ILDR2: variants seen among roughly 807,000 people sequenced by gnomAD.
ILDR2 encodes immunoglobulin-like domain-containing receptor 2.
In ILDR2, 25 loss-of-function variants were observed where a neutral mutation model predicts 66.8. The observed-to-expected ratio is 0.37, with a 90% CI of 0.27 to 0.52. The LOEUF is 0.52. Among genes scored for constraint, ILDR2 ranks in the 20% least tolerant of loss-of-function variants. The pLI is 0.88. For synonymous variants in ILDR2, 367 were observed against 357.2 expected, an observed-to-expected ratio of 1.03 and a Z score of -0.31; for missense variants, 827 against 876.8, an observed-to-expected ratio of 0.94 and a Z score of 0.72.
At chr1:166,975,139 A>T (rs1663520089) in intron 1 of ILDR2, 84 bp downstream of exon 1, 1 of 1,220,546 alleles carries the variant, frequency 8.2e-7, no homozygotes, top group African/African-American at 1.5e-5. Context: ...TAAGGAGGAA[A>T]ATGGGGGGGC....
In ILDR2 at chr1:166,917,801, C is replaced by T. The variant is rs540495457; in HGVS notation, c.*1554G>A. 6.6e-6 allele frequency: 1 copy of T among 152,334 alleles called. No individual in the cohort carries two copies. The highest frequency in any genetic ancestry group is 2.1e-4 in the South Asian group (1 of 4,824). 9.4% of individuals were successfully genotyped at this position (152,334 alleles called of 1,614,324 possible). ...TATCACCTGGACTCACCCATGTCTG[C>T]ATCAGCTGGAAGTTGACGGGCTGTC... On this transcript the variant is annotated 3_prime_UTR_variant, in exon 10 of 10. Transcript: ENST00000271417.
At chr1:166,903,483 T>C (rs1659294626), downstream of ILDR2, among the ~76,000 whole-genome samples, 2 of 152,234 alleles carry the variant, frequency 1.3e-5, no homozygotes, top group South Asian at 4.1e-4. Flanking sequence ...GTATCTCTTC[T>C]GTTCACATTG....
chr1:166,965,421 A>T (rs142638948), intron 1 of ILDR2, among the ~76,000 whole-genome samples: 1 of 152,244 alleles, frequency 6.6e-6, no homozygotes, highest in African/African-American at 2.4e-5. Context: ...ATCAGAAAGC[A>T]AATATATCAG....
chr1:166,942,451 T>C (rs36119409), intron 3 of ILDR2, among the ~76,000 whole-genome samples: 21,179 of 152,204 alleles, frequency 0.14, 1,733 homozygotes, highest in Non-Finnish European at 0.18. Context: ...TTTCAGATCA[T>C]CCTATTTTTC....
At chr1:166,943,491 C>CAAA (rs11366097) in intron 3 of ILDR2, among the ~76,000 whole-genome samples, 40 of 74,482 alleles carry the variant, frequency 5.4e-4, no homozygotes, top group African/African-American at 1.2e-3. Context: ...GACTCCGTCT[C>CAAA]AAAAAAAAAA....
rs1264764341 is a variant in ILDR2, at chr1:166,923,417, A to AC, written c.995-609dup. Reference sequence around the variant, plus strand: ...GGAAACCTGTACCTAGTATCCATATACCCCCTGACTTAGCCCATGCTCATT... The same window carrying AC: ...GGAAACCTGTACCTAGTATCCATATACCCCCCTGACTTAGCCCATGCTCATT... On this transcript the variant is annotated intron_variant, in intron 7 of 9. Coordinates refer to ENST00000271417, the MANE Select transcript of ILDR2 (RefSeq NM_199351.3). Among the ~76,000 whole-genome samples, 3 of 152,160 alleles carry AC rather than the reference A, an allele frequency of 2.0e-5. No individual in the cohort carries two copies. The East Asian group carries it at 5.8e-4, about 29-fold the overall frequency.
intron 3 of ILDR2, among the ~76,000 whole-genome samples, chr1:166,946,928 C>T (rs1052135888): frequency 5.9e-5 from 9 of 152,182 alleles, no homozygotes; most frequent in Admixed American, 2.0e-4. Context: ...ATTTTCAGCA[C>T]CTTTTAAAGT....
At chr1:166,970,746 A>C (rs1472371944) in intron 1 of ILDR2, among the ~76,000 whole-genome samples, 1 of 152,190 alleles carries the variant, frequency 6.6e-6, no homozygotes, top group Non-Finnish European at 1.5e-5. Flanking sequence ...CTAAAGTGTA[A>C]ACAGTGATGA....
chr1:166,897,176 T>G lies in ILDR2; in HGVS notation n.172-1075A>C, dbSNP rs1011053997. 2.6e-5 allele frequency among the ~76,000 whole-genome samples: 4 copies of G among 152,180 alleles called. No homozygotes were observed. The East Asian group carries it at 7.7e-4, about 29-fold the overall frequency. ...GTGACCAGTTAAGAGGCTATTGCTA[T>G]AGTCCACATTAGAGCTAATATAGAC... On this transcript the variant is annotated intron_variant and non_coding_transcript_variant, in intron 2 of 2. Coordinates refer to the ILDR2 transcript ENST00000414590.
rs1173388349 is a variant in ILDR2, at chr1:166,918,137, G to T, written c.*1218C>A. The T allele has an allele frequency of 6.6e-6, 1 of 152,154 alleles. No homozygotes were observed. The highest frequency in any genetic ancestry group is 1.5e-5 in the Non-Finnish European group (1 of 68,022). The allele number at this position is 152,154 out of a possible 1,614,324, so 9.4% of individuals were successfully genotyped here. On this transcript the variant is annotated 3_prime_UTR_variant, in exon 10 of 10. Coordinates refer to ENST00000271417, the MANE Select transcript of ILDR2 (RefSeq NM_199351.3). ...TCCAGAGATCTAGCTTTGGGATTTA[G>T]GCAAAATCTATCATTTAGGCAAGGG...
chr1:166,969,941 C>A (rs1663183055), intron 1 of ILDR2, among the ~76,000 whole-genome samples: 1 of 152,194 alleles, frequency 6.6e-6, no homozygotes. Context: ...ACCAGCCTTA[C>A]TTACTTGGCA....
chr1:166,955,899 A>G (rs887280851), intron 3 of ILDR2, among the ~76,000 whole-genome samples: 1 of 152,200 alleles, frequency 6.6e-6, no homozygotes, highest in African/African-American at 2.4e-5. Context: ...TCTTTTGAAA[A>G]TGGCTTTAGG....
intron 2 of ILDR2, among the ~76,000 whole-genome samples, chr1:166,901,197 G>A (rs1659259353): frequency 6.6e-6 from 1 of 152,172 alleles, no homozygotes; most frequent in Admixed American, 6.5e-5. Context: ...TGCCTCAAAT[G>A]CTCCACATTC....
intron 6 of ILDR2, among the ~76,000 whole-genome samples, chr1:166,933,222 A>T (rs1660742083): frequency 6.6e-6 from 1 of 152,292 alleles, no homozygotes; most frequent in South Asian, 2.1e-4. Context: ...TGAATGGGCA[A>T]GAGCCCAATT....
chr1:166,909,497 A>T lies in ILDR2; in HGVS notation c.*9858T>A, dbSNP rs1298081478. 4 of 151,508 alleles carry T rather than the reference A, an allele frequency of 2.6e-5. No individual in the cohort carries two copies. The highest frequency in any genetic ancestry group is 7.3e-5 in the African/African-American group (3 of 41,202). 9.4% of individuals were successfully genotyped at this position (151,508 alleles called of 1,614,324 possible). On this transcript the variant is annotated 3_prime_UTR_variant, in exon 10 of 10. Transcript: ENST00000271417. Reference sequence around the variant, plus strand: ...TCTGAGCTATCTTCCTGTCATTTGCAACCAAAAATTTTTTTACTAATACAG... The same window carrying T: ...TCTGAGCTATCTTCCTGTCATTTGCTACCAAAAATTTTTTTACTAATACAG...
intron 1 of ILDR2, among the ~76,000 whole-genome samples, chr1:166,964,996 A>T (rs191337593): frequency 6.6e-6 from 1 of 152,216 alleles, no homozygotes; most frequent in Non-Finnish European, 1.5e-5. Context: ...AGAAACAAAG[A>T]TTGCTGCTAA....
chr1:166,957,701 A>T (rs1223258120), intron 2 of ILDR2, 68 bp downstream of exon 2: 34 of 1,345,940 alleles, frequency 2.5e-5, no homozygotes, highest in Non-Finnish European at 3.2e-5. Context: ...CCATATTGAC[A>T]TAAGGGAAGG....
chr1:166,973,967 G>GA (rs1557963698), intron 1 of ILDR2, among the ~76,000 whole-genome samples: 2 of 152,150 alleles, frequency 1.3e-5, no homozygotes, highest in African/African-American at 4.8e-5. Context: ...AGGCAATGAA[G>GA]AATCTTATTC....
chr1:166,969,688 C>T (rs1663166157), intron 1 of ILDR2, among the ~76,000 whole-genome samples: 1 of 152,232 alleles, frequency 6.6e-6, no homozygotes, highest in South Asian at 2.1e-4. Flanking sequence ...GTTCTATGAA[C>T]TCTGTGCCTC....
Sources: allele counts gnomAD v4.1 joint callset (sites outside exome capture counted in the v4.1 genomes callset), GRCh38; gene constraint gnomAD v4.1.1; transcripts MANE v1.5; gene names NCBI Gene and HGNC (gene_info 2026-07-23, HGNC 2026-07-21).